The following NIPBL variants were observed in gnomAD, a reference collection of about 807,000 sequenced individuals.
NIPBL encodes the protein NIPBL cohesin loading factor, also known as nipped-B-like protein.
A neutral mutation model predicts 321.8 loss-of-function variants in NIPBL; 19 were observed. That is an observed-to-expected ratio of 0.06 (90% CI 0.04 to 0.09). The LOEUF (loss-of-function observed/expected upper bound fraction) is 0.09, where lower values mean the gene tolerates loss of function less well. Ranked by LOEUF, NIPBL falls within the 10% of genes least tolerant of loss-of-function variation. NIPBL has a pLI of 1.00. For synonymous variants in NIPBL, 1,106 were observed against 1,114.1 expected (o/e 0.99, Z 0.14); for missense variants, 2,210 against 3,327.0 (o/e 0.66, Z 8.26).
At chr5:37,059,238 G>A in intron 44 of NIPBL, 73 bp downstream of exon 44, 1 of 1,526,972 alleles carries the variant, frequency 6.5e-7, no homozygotes, top group South Asian at 1.1e-5. Context: ...TGGGTGTGGT[G>A]GCTCATGCCT....
intron 1 of NIPBL, among the ~76,000 whole-genome samples, chr5:36,883,145 C>T (rs1324566401): frequency 6.6e-6 from 1 of 151,634 alleles, no homozygotes; most frequent in Non-Finnish European, 1.5e-5. Context: ...TATTGTGACT[C>T]TTGTTACTTT....
At chr5:37,003,010 G>GTT (rs371536615) in intron 15 of NIPBL, among the ~76,000 whole-genome samples, 21 of 144,218 alleles carry the variant, frequency 1.5e-4, no homozygotes, top group African/African-American at 4.8e-4. Context: ...TTTTTCCAGA[G>GTT]TTTTTTTTTT....
chr5:36,935,147 A>C (rs2149576331), intron 1 of NIPBL, among the ~76,000 whole-genome samples: 1 of 152,256 alleles, frequency 6.6e-6, no homozygotes, highest in East Asian at 1.9e-4. Context: ...CTGGAAAATA[A>C]TTCAAAAAAC....
At chr5:36,960,508 C>T (rs990769599) in intron 4 of NIPBL, among the ~76,000 whole-genome samples, 2 of 152,060 alleles carry the variant, frequency 1.3e-5, no homozygotes, top group Non-Finnish European at 2.9e-5. Context: ...CTTAAGAAAA[C>T]ACCCTTCAAT....
intron 16 of NIPBL, among the ~76,000 whole-genome samples, chr5:37,005,506 C>A (rs899307197): frequency 2.6e-5 from 4 of 152,158 alleles, no homozygotes; most frequent in African/African-American, 4.8e-5. Flanking sequence ...GAATCATGAG[C>A]CTCCTTAACT....
chr5:36,921,077 A>G (rs1748902457), intron 1 of NIPBL, among the ~76,000 whole-genome samples: 1 of 152,040 alleles, frequency 6.6e-6, no homozygotes, highest in South Asian at 2.1e-4. Flanking sequence ...AATATACTCT[A>G]GTTTTCTTAG....
At chr5:36,990,993 TA>T (rs34629109) in intron 10 of NIPBL, among the ~76,000 whole-genome samples, 70 of 146,242 alleles carry the variant, frequency 4.8e-4, no homozygotes, top group Admixed American at 1.4e-3. Flanking sequence ...TTTTATATTC[TA>T]AAAAAAAAAA....
At chr5:36,913,796 C>T (rs1011023947) in intron 1 of NIPBL, among the ~76,000 whole-genome samples, 4 of 152,282 alleles carry the variant, frequency 2.6e-5, no homozygotes, top group South Asian at 2.1e-4. Flanking sequence ...ATCGCATTCA[C>T]TGTATAGCAG....
At chr5:36,971,920 G>A in intron 7 of NIPBL, 25 bp from the exon 8 acceptor site, 1 of 1,597,784 alleles carries the variant, frequency 6.3e-7, no homozygotes, top group Non-Finnish European at 8.6e-7. Context: ...TCATTCAAAA[G>A]ATAAATTGTA....
intron 6 of NIPBL, among the ~76,000 whole-genome samples, chr5:36,963,975 ATG>A (rs1741919450): frequency 6.6e-6 from 1 of 152,192 alleles, no homozygotes; most frequent in South Asian, 2.1e-4. Flanking sequence ...ATACACATGA[ATG>A]TGTGTAAAAC....
chr5:37,009,134 A>G (rs1747784680), intron 20 of NIPBL, among the ~76,000 whole-genome samples: 1 of 152,192 alleles, frequency 6.6e-6, no homozygotes, highest in Non-Finnish European at 1.5e-5. Flanking sequence ...ATTCCTTAAT[A>G]TGAACCACTA....
At chr5:36,900,974 G>C (rs1360333817) in intron 1 of NIPBL, among the ~76,000 whole-genome samples, 1 of 152,046 alleles carries the variant, frequency 6.6e-6, no homozygotes, top group Non-Finnish European at 1.5e-5. Flanking sequence ...TAGATTCCAG[G>C]GGGTACATGT....
At chr5:37,018,900 C>T (rs974411378) in intron 24 of NIPBL, among the ~76,000 whole-genome samples, 3 of 152,012 alleles carry the variant, frequency 2.0e-5, no homozygotes, top group South Asian at 4.2e-4. Context: ...GTCAGGAGTT[C>T]GAGATCAGCT....
intron 1 of NIPBL, among the ~76,000 whole-genome samples, chr5:36,946,005 A>G (rs758123339): frequency 1.3e-5 from 2 of 152,124 alleles, no homozygotes; most frequent in Non-Finnish European, 2.9e-5. Context: ...TATCCCACCT[A>G]TTTCCTAAAA....
chr5:37,015,572 A>G (rs180746755), intron 22 of NIPBL, among the ~76,000 whole-genome samples: 2,893 of 152,220 alleles, frequency 0.019, 35 homozygotes, highest in Middle Eastern at 0.061. Flanking sequence ...TCTACTAAAA[A>G]TACAAAAATT....
In NIPBL at chr5:37,051,800, A is replaced by G. The variant is rs1161024468; in HGVS notation, c.6976A>G (p.Met2326Val). The G allele has an allele frequency of 1.9e-6, 3 of 1,613,188 alleles. No homozygotes were observed. The highest frequency in any genetic ancestry group is 1.3e-5 in the African/African-American group (1 of 74,826). The change falls in exon 41 of 47, where the codon ATG (methionine) becomes GTG (valine). Residue 2326 changes from methionine to valine, a missense_variant. This residue lies in a region of NIPBL where 112 missense variants were observed against 288.3 expected (regional missense o/e 0.39). Transcript: ENST00000282516. ...PVQCVPYLIA[M>V]GTDPEPAMRN... ...CCAGTGTGTGCCATATTTAATTGCTATGGGCACAGACCCAGAACCTGCTAT... is the reference window on the plus strand; with the variant it reads ...CCAGTGTGTGCCATATTTAATTGCTGTGGGCACAGACCCAGAACCTGCTAT...
chr5:36,918,491 C>T (rs1202320560), intron 1 of NIPBL, among the ~76,000 whole-genome samples: 1 of 152,120 alleles, frequency 6.6e-6, no homozygotes, highest in Non-Finnish European at 1.5e-5. Context: ...TTGACTTCCT[C>T]TTTTCCTAAT....
intron 10 of NIPBL, among the ~76,000 whole-genome samples, chr5:36,990,824 A>C (rs1229942073): frequency 6.6e-6 from 1 of 152,120 alleles, no homozygotes; most frequent in Non-Finnish European, 1.5e-5. Flanking sequence ...TCTCCTTTCC[A>C]TTCTGTCTCT....
intron 10 of NIPBL, among the ~76,000 whole-genome samples, chr5:36,990,921 A>G (rs1407809852): frequency 6.6e-6 from 1 of 152,100 alleles, no homozygotes; most frequent in Non-Finnish European, 1.5e-5. Flanking sequence ...GCTAGCAAAT[A>G]TTAATTCTGT....
Sources: allele counts gnomAD v4.1 joint callset (sites outside exome capture counted in the v4.1 genomes callset), GRCh38; gene constraint gnomAD v4.1.1; regional missense constraint gnomAD v4.1.1; transcripts MANE v1.5; gene names NCBI Gene and HGNC (gene_info 2026-07-23, HGNC 2026-07-21).